The following GSE1 variants were observed in gnomAD, a reference collection of about 807,000 sequenced individuals.
GSE1 encodes the protein Gse1 coiled-coil protein.
Under a neutral mutation model 112.6 loss-of-function variants are expected in GSE1, and 32 were observed. That is an observed-to-expected ratio of 0.28 (90% CI 0.21 to 0.38). GSE1 has a LOEUF of 0.38. Ranked by LOEUF, GSE1 falls within the 10% of genes least tolerant of loss-of-function variation. The pLI is 1.00. For missense variants in GSE1, 2,348 were observed against 1,699.2 expected, an observed-to-expected ratio of 1.38 and a Z score of -6.71; for synonymous variants, 1,115 against 735.6, an observed-to-expected ratio of 1.52 and a Z score of -8.35.
chr16:85,202,243 A>T (rs1346649761), intron 1 of GSE1, among the ~76,000 whole-genome samples: 1 of 152,176 alleles, frequency 6.6e-6, no homozygotes, highest in Non-Finnish European at 1.5e-5. Context: ...CCCAGCCCCA[A>T]CTGCCTTCTG....
At chr16:85,642,785 G>A (rs116409803) in intron 2 of GSE1, among the ~76,000 whole-genome samples, 3,737 of 152,316 alleles carry the variant, frequency 0.025, 166 homozygotes, top group African/African-American at 0.084. Context: ...ACAGCGGCTG[G>A]GGGAATGCCT....
chr16:85,369,791 C>T (rs1597506493), intron 2 of GSE1, among the ~76,000 whole-genome samples: 1 of 152,236 alleles, frequency 6.6e-6, no homozygotes, highest in African/African-American at 2.4e-5. Flanking sequence ...GGCGTGGTGT[C>T]CATGCTCACA....
At chr16:85,479,213 T>TTTTTA (rs1555518700) in intron 2 of GSE1, among the ~76,000 whole-genome samples, 1 of 144,156 alleles carries the variant, frequency 6.9e-6, no homozygotes, top group South Asian at 2.2e-4. Flanking sequence ...TTTTTTTTTT[T>TTTTTA]AGTAGAGACG....
At chr16:85,425,243 T>C (rs1450115518) in intron 2 of GSE1, among the ~76,000 whole-genome samples, 1 of 147,568 alleles carries the variant, frequency 6.8e-6, no homozygotes, top group East Asian at 2.0e-4. Flanking sequence ...ACAGAGAGGA[T>C]TTGACTCTTG....
chr16:85,264,221 G>T (rs1908001397), intron 1 of GSE1, among the ~76,000 whole-genome samples: 1 of 152,132 alleles, frequency 6.6e-6, no homozygotes, highest in Non-Finnish European at 1.5e-5. Flanking sequence ...TGTTGGGGTA[G>T]AGGGGCCCTT....
intron 2 of GSE1, among the ~76,000 whole-genome samples, chr16:85,472,037 C>T (rs1174910034): frequency 1.3e-5 from 2 of 152,180 alleles, no homozygotes; most frequent in African/African-American, 4.8e-5. Context: ...TGTAGGTTGG[C>T]CTTGTCCTCT....
At chr16:85,429,694 CCCCAGGGCCTTTGCCCCCACTGTT>C (rs746706451) in intron 2 of GSE1, among the ~76,000 whole-genome samples, 136 of 152,326 alleles carry the variant, frequency 8.9e-4, no homozygotes, top group Non-Finnish European at 1.7e-3. Flanking sequence ...CTCAGACCTG[CCCCAGGGCCTTTGCCCCCACTGTT>C]CCCTCTGCCT....
chr16:85,527,681 G>A (rs1025825448), intron 2 of GSE1, among the ~76,000 whole-genome samples: 1 of 152,278 alleles, frequency 6.6e-6, no homozygotes, highest in Non-Finnish European at 1.5e-5. Context: ...GGGGAATGTG[G>A]GGCCAGCAGC....
At chr16:85,582,938 A>G (rs543564241) in intron 1 of GSE1, among the ~76,000 whole-genome samples, 1 of 152,300 alleles carries the variant, frequency 6.6e-6, no homozygotes, top group East Asian at 1.9e-4. Flanking sequence ...AATTTGCTGT[A>G]AAGTCGGAGG....
intron 10 of GSE1, 119 bp downstream of exon 10, chr16:85,663,212 A>T (rs929410872): frequency 3.9e-6 from 5 of 1,295,198 alleles, no homozygotes; most frequent in Non-Finnish European, 5.5e-6. Flanking sequence ...GGTTCGCCCC[A>T]TGAAGCTCTT....
At chr16:85,330,553 C>A (rs1463956207) in intron 1 of GSE1, among the ~76,000 whole-genome samples, 1 of 152,244 alleles carries the variant, frequency 6.6e-6, no homozygotes. Context: ...GCAGCAGGCG[C>A]CTCACCTGGG....
chr16:85,613,219 T>A (rs1041608801), upstream of GSE1: 31 of 1,493,486 alleles, frequency 2.1e-5, no homozygotes, highest in Admixed American at 7.2e-4. Context: ...GGGTGTGTCC[T>A]CGGCGGCGAC....
At chr16:85,385,743 C>G (rs114877302) in intron 2 of GSE1, among the ~76,000 whole-genome samples, 2 of 152,310 alleles carry the variant, frequency 1.3e-5, no homozygotes, top group South Asian at 4.1e-4. Flanking sequence ...GGAGCCCTTC[C>G]GAGGCCTCGG....
intron 2 of GSE1, among the ~76,000 whole-genome samples, chr16:85,404,750 A>T (rs1488649913): frequency 2.4e-4 from 6 of 24,670 alleles, no homozygotes; most frequent in Admixed American, 1.5e-3. Context: ...TCACCGTTAC[A>T]CTCAGGGCCC....
At chr16:85,550,348 G>A (rs1183345270) in intron 2 of GSE1, among the ~76,000 whole-genome samples, 5 of 152,160 alleles carry the variant, frequency 3.3e-5, no homozygotes, top group African/African-American at 2.4e-5. Context: ...GGAACTCATG[G>A]TGACCTTGAA....
intron 2 of GSE1, among the ~76,000 whole-genome samples, chr16:85,458,049 G>T (rs142656867): frequency 6.6e-6 from 1 of 152,330 alleles, no homozygotes; most frequent in African/African-American, 2.4e-5. Context: ...CCTGGTTGCT[G>T]TCTTCTAGTG....
At chr16:85,335,588 G>A (rs1052606063) in intron 1 of GSE1, among the ~76,000 whole-genome samples, 18 of 152,276 alleles carry the variant, frequency 1.2e-4, no homozygotes, top group African/African-American at 4.1e-4. Context: ...GGAGGTACAT[G>A]GGGTGAGGCC....
In GSE1 at chr16:85,382,781, GCA is replaced by G. The variant is rs887977332; in HGVS notation, c.2464+25147_2464+25148del. ...CACACATGTATGCACACCCATGCAT[GCA>G]CACACACAACACATGCACACACACT... On this transcript the variant is annotated intron_variant, in intron 2 of 2. Coordinates refer to the GSE1 transcript ENST00000637419. 1.0e-4 allele frequency among the ~76,000 whole-genome samples: 15 copies of G among 150,260 alleles called. No homozygotes were observed. In the South Asian group the frequency reaches 1.5e-3, roughly 15 times the overall value.
intron 2 of GSE1, among the ~76,000 whole-genome samples, chr16:85,646,359 C>G (rs1033626558): frequency 4.6e-5 from 7 of 152,274 alleles, no homozygotes; most frequent in African/African-American, 1.7e-4. Flanking sequence ...ATGGCAGCAT[C>G]TGTCCCCGTG....
Sources: gnomAD v4.1 joint callset for allele counts (sites outside exome capture counted in the v4.1 genomes callset) on GRCh38, gnomAD v4.1.1 for gene constraint, MANE v1.5 for transcripts, NCBI Gene and HGNC (gene_info 2026-07-23, HGNC 2026-07-21) for gene names.